The following METTL15 variants were observed in gnomAD, a reference collection of about 807,000 sequenced individuals.
The protein encoded by METTL15 is 12S rRNA N(4)-cytidine methyltransferase METTL15.
METTL15 carries 34 observed loss-of-function variants against 38.3 expected under a neutral mutation model. The observed-to-expected ratio is 0.89, with a 90% CI of 0.68 to 1.18. The LOEUF is 1.18. Ranked by LOEUF, METTL15 falls within the 50% of genes most tolerant of loss-of-function variation. The probability of loss-of-function intolerance (pLI) is 0.00; values close to 1 mark genes in which losing one functional copy is unlikely to be tolerated. For synonymous variants in METTL15, 162 were observed against 170.9 expected (o/e 0.95, Z 0.41); for missense variants, 438 against 498.4 (o/e 0.88, Z 1.15).
At chr11:28,471,167 C>T (rs917893427) in intron 6 of METTL15, among the ~76,000 whole-genome samples, 1 of 152,080 alleles carries the variant, frequency 6.6e-6, no homozygotes, top group African/African-American at 2.4e-5. Flanking sequence ...CTCAACAGGT[C>T]AGACTTGTTA....
intron 6 of METTL15, among the ~76,000 whole-genome samples, chr11:28,329,248 A>G (rs1013052796): frequency 2.0e-5 from 3 of 152,142 alleles, no homozygotes; most frequent in Admixed American, 6.5e-5. Context: ...CTTGTCAATA[A>G]TTAGTTGACT....
intron 4 of METTL15, among the ~76,000 whole-genome samples, chr11:28,232,380 C>T (rs1853723106): frequency 6.6e-6 from 1 of 151,676 alleles, no homozygotes; most frequent in South Asian, 2.1e-4. Flanking sequence ...TGCTTAGATA[C>T]TCTATATTAT....
rs181972943 is a variant in METTL15 at position 28,112,109 on chromosome 11, G to A, written c.-17-1209G>A. Among the ~76,000 whole-genome samples, 156 of 152,258 alleles carry A rather than the reference G, an allele frequency of 1.0e-3. 1 individual carries two copies. The highest frequency in any genetic ancestry group is 1.5e-3 in the Non-Finnish European group (105 of 68,020). ...CTTTGTGTTTTATTACGTGTGATCA[G>A]CTTTTCAACGTTTTTAATTTTTTTT... On this transcript the variant is annotated intron_variant, in intron 2 of 6. Transcript: ENST00000407364.
intron 3 of METTL15, among the ~76,000 whole-genome samples, chr11:28,133,720 A>G (rs895551747): frequency 6.6e-6 from 1 of 152,126 alleles, no homozygotes. Context: ...TCCTACCAAC[A>G]ATCAGCACCC....
intron 3 of METTL15, among the ~76,000 whole-genome samples, chr11:28,126,933 A>G (rs1361422631): frequency 1.3e-5 from 2 of 152,132 alleles, no homozygotes; most frequent in East Asian, 3.9e-4. Flanking sequence ...AAGGACAAAG[A>G]ATCTAGACAA....
intron 6 of METTL15, among the ~76,000 whole-genome samples, chr11:28,431,118 C>A (rs1189357728): frequency 1.3e-5 from 1 of 74,614 alleles, no homozygotes; most frequent in East Asian, 3.4e-4. Context: ...AGTGAGGAGC[C>A]CCTCTGCCCG....
intron 3 of METTL15, among the ~76,000 whole-genome samples, chr11:28,344,601 C>A (rs1300145129): frequency 1.3e-5 from 2 of 152,134 alleles, no homozygotes; most frequent in Non-Finnish European, 2.9e-5. Flanking sequence ...TGCCTTTGAA[C>A]CTCATCTGGT....
At chr11:28,327,129 C>T (rs1849663069) in intron 6 of METTL15, among the ~76,000 whole-genome samples, 1 of 152,194 alleles carries the variant, frequency 6.6e-6, no homozygotes, top group East Asian at 1.9e-4. Context: ...ACCAAAAAAG[C>T]TCCACAAAAC....
chr11:28,244,395 A>G (rs1486231526), intron 4 of METTL15, among the ~76,000 whole-genome samples: 2 of 152,162 alleles, frequency 1.3e-5, no homozygotes, highest in Non-Finnish European at 2.9e-5. Context: ...TTCATTTTGT[A>G]TATTCTGTGG....
rs758405577 is a variant in METTL15, at chr11:28,495,887, A to T, written c.*425-30591A>T. On this transcript the variant is annotated intron_variant and NMD_transcript_variant, in intron 6 of 7. Transcript: ENST00000532947. The stretch of plus-strand genomic sequence containing the variant: ...AGGGATGAAAAGATCCATGTTGAGA[A>T]ATGAACCCAAATACAGCAGCACTTT... Among the ~76,000 whole-genome samples the T allele has an allele frequency of 4.6e-5, 7 of 152,276 alleles. No individual in the cohort carries two copies. In the South Asian group the frequency reaches 1.2e-3, roughly 27 times the overall value.
chr11:28,417,506 T>A (rs1400678808), intron 5 of METTL15, among the ~76,000 whole-genome samples: 2 of 152,204 alleles, frequency 1.3e-5, no homozygotes, highest in Non-Finnish European at 2.9e-5. Context: ...ATTAGAATAA[T>A]GTCTTCTTAA....
intron 6 of METTL15, among the ~76,000 whole-genome samples, chr11:28,310,858 A>G (rs558318204): frequency 1.4e-4 from 20 of 141,460 alleles, no homozygotes; most frequent in African/African-American, 5.3e-4. Flanking sequence ...AAATATTTTC[A>G]TCTTTAAGAC....
intron 3 of METTL15, among the ~76,000 whole-genome samples, chr11:28,208,865 A>G (rs1055231143): frequency 2.0e-5 from 3 of 152,030 alleles, no homozygotes; most frequent in Non-Finnish European, 4.4e-5. Flanking sequence ...CCTAGATGTC[A>G]CTATTACATG....
At chr11:28,206,241 G>A (rs371006760) in intron 3 of METTL15, among the ~76,000 whole-genome samples, 2 of 149,896 alleles carry the variant, frequency 1.3e-5, no homozygotes, top group Non-Finnish European at 3.0e-5. Flanking sequence ...ATGGTTTTAG[G>A]TCTAACGTTT....
intron 6 of METTL15, among the ~76,000 whole-genome samples, chr11:28,512,436 A>G (rs2133501777): frequency 6.6e-6 from 1 of 152,294 alleles, no homozygotes; most frequent in African/African-American, 2.4e-5. Context: ...GGAGATGGGG[A>G]GGCTCAGGCA....
At chr11:28,218,547 T>C (rs982061124) in intron 4 of METTL15, among the ~76,000 whole-genome samples, 3 of 152,190 alleles carry the variant, frequency 2.0e-5, no homozygotes, top group African/African-American at 7.2e-5. Flanking sequence ...GAATACCCTT[T>C]ATTTCCTTCT....
At chr11:28,410,499 C>T (rs991491955) in intron 5 of METTL15, among the ~76,000 whole-genome samples, 1 of 151,954 alleles carries the variant, frequency 6.6e-6, no homozygotes, top group Non-Finnish European at 1.5e-5. Flanking sequence ...TACATCACAC[C>T]AACAGAATAA....
chr11:28,307,007 C>T (rs916141573), intron 6 of METTL15, among the ~76,000 whole-genome samples: 1 of 151,772 alleles, frequency 6.6e-6, no homozygotes, highest in African/African-American at 2.4e-5. Context: ...TTTCTTATAA[C>T]TCTTCAGTTT....
At chr11:28,352,517 A>G (rs1850050686) in intron 4 of METTL15, among the ~76,000 whole-genome samples, 1 of 152,170 alleles carries the variant, frequency 6.6e-6, no homozygotes, top group South Asian at 2.1e-4. Context: ...AAAGAACAAA[A>G]TTTAATGCAG....
Sources: allele counts gnomAD v4.1 joint callset (sites outside exome capture counted in the v4.1 genomes callset), GRCh38; gene constraint gnomAD v4.1.1; transcripts MANE v1.5; gene names NCBI Gene and HGNC (gene_info 2026-07-23, HGNC 2026-07-21).